Variants in MSL2 observed in about 807,000 individuals in gnomAD.
The protein encoded by MSL2 is MSL complex subunit 2.
In MSL2, 2 loss-of-function variants were observed where a neutral mutation model predicts 35.8. That is an observed-to-expected ratio of 0.06 (90% CI 0.02 to 0.18). The LOEUF is 0.18. MSL2 is among the 10% of genes least tolerant of loss of function. MSL2 has a pLI of 1.00. For missense variants in MSL2, 523 were observed against 706.7 expected, an observed-to-expected ratio of 0.74 and a Z score of 2.95; for synonymous variants, 296 against 255.7, an observed-to-expected ratio of 1.16 and a Z score of -1.50.
rs761114550 is a variant in MSL2, at chr3:136,151,287, T to G, written c.1594A>C (p.Thr532Pro). 1 of 1,614,236 alleles carries G rather than the reference T, an allele frequency of 6.2e-7. No homozygotes were observed. The highest frequency in any genetic ancestry group is 1.1e-5 in the South Asian group (1 of 91,090). The change falls in exon 2 of 2, where the codon ACT becomes CCT. Residue 532 changes from threonine (T) to proline (P), a missense_variant. By Grantham distance (38) the Thr-to-Pro change is conservative. This residue lies in a region of MSL2 where 60 missense variants were observed against 75.1 expected (regional missense o/e 0.80). Coordinates refer to ENST00000309993, the MANE Select transcript of MSL2 (RefSeq NM_018133.4). This position sits in a 1 kb window ranked among gnomAD's most constrained non-coding sequence, Gnocchi z 5.2. ...QTRLTLGINVTSIAVRNASTS... is the reference protein window; with the variant it reads ...QTRLTLGINVPSIAVRNASTS... The stretch of plus-strand genomic sequence containing the variant: ...CTAGCGTTACGCACAGCAATGCTAG[T>G]CACGTTAATGCCCAAAGTGAGCCTG...
chr3:136,188,575 C>A (rs1446720799), intron 1 of MSL2, among the ~76,000 whole-genome samples: 6 of 151,956 alleles, frequency 3.9e-5, no homozygotes, highest in Non-Finnish European at 8.8e-5. Flanking sequence ...TACAGCAAAA[C>A]CCCATCTCTA....
At chr3:136,186,771 T>C (rs1209259443) in intron 1 of MSL2, among the ~76,000 whole-genome samples, 1 of 152,184 alleles carries the variant, frequency 6.6e-6, no homozygotes, top group Non-Finnish European at 1.5e-5. Flanking sequence ...TACAATGTAA[T>C]AATAATAGAA....
rs71157361 is a variant in MSL2 at position 136,159,354 on chromosome 3, C to CTTTTTTTTTTTTTTTT, written c.143-6632_143-6617dup. Among the ~76,000 whole-genome samples the CTTTTTTTTTTTTTTTT allele has an allele frequency of 6.0e-4, 42 of 70,066 alleles. 5 individuals are homozygous for CTTTTTTTTTTTTTTTT. Among genetic ancestry groups the CTTTTTTTTTTTTTTTT allele is most frequent in the African/African-American group, 2.2e-3 (40 of 18,016 alleles). The allele number at this position is 70,066 out of a possible 152,430, so 46.0% of individuals were successfully genotyped here. ...TTCAATGGGGAAAGGAGAGTACTTT[C>CTTTTTTTTTTTTTTTT]TTTTTTTTTTTTTTTTTTTTTTTTT... On this transcript the variant is annotated intron_variant, in intron 1 of 1. Coordinates refer to ENST00000309993, the MANE Select transcript of MSL2 (RefSeq NM_018133.4).
At chr3:136,164,749 T>C (rs1338227373) in intron 1 of MSL2, among the ~76,000 whole-genome samples, 3 of 152,212 alleles carry the variant, frequency 2.0e-5, no homozygotes, top group Non-Finnish European at 2.9e-5. Context: ...AGGAAATATG[T>C]CAGTCACTGG....
In MSL2 at chr3:136,192,108, C is replaced by A. The variant is rs190643903; in HGVS notation, c.142+2864G>T. 1.4e-3 allele frequency among the ~76,000 whole-genome samples: 213 copies of A among 152,296 alleles called. 3 individuals carry two copies. The highest frequency in any genetic ancestry group is 4.5e-3 in the African/African-American group (187 of 41,550). On this transcript the variant is annotated intron_variant, in intron 1 of 1. Transcript: ENST00000309993. ...AAATCAGACTGATACAAAATCTGCA[C>A]TCAAAGGAGATATAAGTATCTTATG...
At chr3:136,185,058 T>A (rs991972439) in intron 1 of MSL2, among the ~76,000 whole-genome samples, 3 of 152,058 alleles carry the variant, frequency 2.0e-5, no homozygotes, top group Non-Finnish European at 4.4e-5. Context: ...CACTGCAACC[T>A]CCACCTCCCA....
intron 1 of MSL2, among the ~76,000 whole-genome samples, chr3:136,193,695 T>A (rs1012950358): frequency 2.0e-5 from 3 of 151,918 alleles, no homozygotes; most frequent in African/African-American, 7.3e-5. Flanking sequence ...GGAAACTGAA[T>A]CTAGCCGAAA....
Position 136,151,207 on chromosome 3 carries a change from A to G in MSL2, c.1674T>C (p.Ala558=), listed in dbSNP as rs758144583. ...AACTTTTATCATCATGTGTACTGGCAGCTAAAAACGTCGTTACTGGGGACC... is the reference window on the plus strand; with the variant it reads ...AACTTTTATCATCATGTGTACTGGCGGCTAAAAACGTCGTTACTGGGGACC... ...VTGSPVTTFL[A]ASTHDDKSLD... Residue 558 remains alanine, a synonymous_variant, in exon 2 of 2, where the codon GCT becomes GCC. Coordinates refer to ENST00000309993, the MANE Select transcript of MSL2 (RefSeq NM_018133.4). This position sits in a 1 kb window ranked among gnomAD's most constrained non-coding sequence, Gnocchi z 5.2. The G allele has an allele frequency of 1.2e-6, 2 of 1,614,220 alleles. No homozygotes were observed.
chr3:136,157,387 C>T (rs1230139265), intron 1 of MSL2, among the ~76,000 whole-genome samples: 2 of 152,116 alleles, frequency 1.3e-5, no homozygotes, highest in Non-Finnish European at 2.9e-5. Context: ...ACCTGTAATC[C>T]CAGCTACTCA....
chr3:136,161,864 G>C (rs1939714986), intron 1 of MSL2, among the ~76,000 whole-genome samples: 1 of 152,034 alleles, frequency 6.6e-6, no homozygotes, highest in Non-Finnish European at 1.5e-5. Context: ...CCAATGCAAG[G>C]ATCCCTTAAA....
chr3:136,181,895 G>A (rs539067576), intron 1 of MSL2, among the ~76,000 whole-genome samples: 7 of 150,644 alleles, frequency 4.6e-5, no homozygotes, highest in Non-Finnish European at 7.4e-5. Context: ...CTCCAGCCTC[G>A]GCAACAGAGT....
intron 1 of MSL2, among the ~76,000 whole-genome samples, chr3:136,172,984 C>T (rs1261539847): frequency 6.6e-6 from 1 of 151,946 alleles, no homozygotes; most frequent in Non-Finnish European, 1.5e-5. Context: ...TCCAACATGG[C>T]GAAACCCTAC....
chr3:136,150,851 A>G lies in MSL2; in HGVS notation c.*296T>C, dbSNP rs1424950020. Reference sequence around the variant, plus strand: ...TGATTATGCACAAAGCATGGCCATAAACAATGAGGTTAATGTTATTTTTCT... The same window carrying G: ...TGATTATGCACAAAGCATGGCCATAGACAATGAGGTTAATGTTATTTTTCT... On this transcript the variant is annotated 3_prime_UTR_variant, in exon 2 of 2. Coordinates refer to ENST00000309993, the MANE Select transcript of MSL2 (RefSeq NM_018133.4). 1 of 315,456 alleles carries G rather than the reference A, an allele frequency of 3.2e-6. No individual in the cohort carries two copies. The highest frequency in any genetic ancestry group is 6.0e-6 in the Non-Finnish European group (1 of 167,866). 19.5% of individuals were successfully genotyped at this position (315,456 alleles called of 1,614,324 possible). A position where few individuals can be genotyped will look rare whatever the true frequency, so the allele number is the denominator to read the frequency against.
intron 1 of MSL2, among the ~76,000 whole-genome samples, chr3:136,194,100 A>G (rs115350462): frequency 0.011 from 1,627 of 152,350 alleles, 31 homozygotes; most frequent in African/African-American, 0.037. Flanking sequence ...TTAGGATAGA[A>G]TATTAAGTGG....
At chr3:136,169,886 A>AT (rs1237892088) in intron 1 of MSL2, among the ~76,000 whole-genome samples, 1 of 151,384 alleles carries the variant, frequency 6.6e-6, no homozygotes, top group East Asian at 2.0e-4. Context: ...GTAAAACCTC[A>AT]TCTCTACTAA....
chr3:136,157,379 C>A (rs1374890504), intron 1 of MSL2, among the ~76,000 whole-genome samples: 1 of 152,150 alleles, frequency 6.6e-6, no homozygotes, highest in Non-Finnish European at 1.5e-5. Context: ...TGGTGAACAC[C>A]TGTAATCCCA....
In MSL2 at chr3:136,187,065, T is replaced by G. The variant is rs115344363; in HGVS notation, c.142+7907A>C. ...TATTTTAGATCCAAGGTTGGCTGAA[T>G]CCACAAATGCAGAACCCACAGATAC... On this transcript the variant is annotated intron_variant, in intron 1 of 1. Transcript: ENST00000309993. Among the ~76,000 whole-genome samples the G allele has an allele frequency of 3.1e-3, 470 of 152,240 alleles. 6 individuals carry two copies. Among genetic ancestry groups the G allele is most frequent in the African/African-American group, 0.011 (454 of 41,534 alleles).
rs571923810 is a variant in MSL2 at position 136,167,012 on chromosome 3, G to C, written c.143-14274C>G. Among the ~76,000 whole-genome samples, 4 of 152,138 alleles carry C rather than the reference G, an allele frequency of 2.6e-5. No individual in the cohort carries two copies. The East Asian group carries it at 7.7e-4, about 29-fold the overall frequency. On this transcript the variant is annotated intron_variant, in intron 1 of 1. Coordinates refer to ENST00000309993, the MANE Select transcript of MSL2 (RefSeq NM_018133.4). ...AAGTATTTAATGTCACAAATACTTT[G>C]ACCAGATTATGGGAGAAATTAAGTT...
At chr3:136,169,670 G>T (rs541535748) in intron 1 of MSL2, among the ~76,000 whole-genome samples, 13 of 152,060 alleles carry the variant, frequency 8.5e-5, no homozygotes, top group African/African-American at 2.9e-4. Context: ...GGGTGGTCTT[G>T]AACTCCTCCT....
Sources: allele counts gnomAD v4.1 joint callset (sites outside exome capture counted in the v4.1 genomes callset), GRCh38; gene constraint gnomAD v4.1.1; regional missense constraint gnomAD v4.1.1; non-coding constraint Gnocchi (gnomAD v3.1); transcripts MANE v1.5; gene names NCBI Gene and HGNC (gene_info 2026-07-23, HGNC 2026-07-21).